The following CENPW variants were observed in gnomAD, a reference collection of about 807,000 sequenced individuals.
The protein encoded by CENPW is cancer-up-regulated gene 2 protein.
CENPW carries 3 observed loss-of-function variants against 11.1 expected under a neutral mutation model. The ratio of observed to expected loss-of-function variants is 0.27; its 90% CI spans 0.12 to 0.70. The LOEUF (loss-of-function observed/expected upper bound fraction) is 0.70, where lower values mean the gene tolerates loss of function less well. Among genes scored for constraint, CENPW ranks in the 30% least tolerant of loss-of-function variants. CENPW has a pLI of 0.77. For missense variants in CENPW, 100 were observed against 105.6 expected (o/e 0.95, Z 0.23); for synonymous variants, 38 against 42.0 (o/e 0.91, Z 0.37).
the CENPW span, among the ~76,000 whole-genome samples, chr6:126,424,132 T>A: frequency 5.9e-5 from 9 of 152,182 alleles, no homozygotes; most frequent in African/African-American, 1.9e-4. Flanking sequence ...CCTACTAACA[T>A]CTATTGTCTC....
At chr6:126,405,856 T>G in the CENPW span, among the ~76,000 whole-genome samples, 1 of 152,156 alleles carries the variant, frequency 6.6e-6, no homozygotes, top group African/African-American at 2.4e-5. Flanking sequence ...CTTGGAAGTT[T>G]ATTGATTTTG....
the CENPW span, among the ~76,000 whole-genome samples, chr6:126,465,725 G>C: frequency 2.0e-5 from 3 of 151,976 alleles, no homozygotes; most frequent in Non-Finnish European, 4.4e-5. Context: ...TAAACATAGA[G>C]AATTGATTTT....
At chr6:126,376,895 T>C in the CENPW span, among the ~76,000 whole-genome samples, 2 of 152,162 alleles carry the variant, frequency 1.3e-5, no homozygotes, top group Non-Finnish European at 2.9e-5. Flanking sequence ...GGAATGGGGC[T>C]GTGGTAGGTA....
chr6:126,368,770 G>T, the CENPW span, among the ~76,000 whole-genome samples: 1 of 151,674 alleles, frequency 6.6e-6, no homozygotes, highest in Admixed American at 6.6e-5. Context: ...TCAGCCTCCC[G>T]AGTAGCTGAG....
chr6:126,479,072 C>T, the CENPW span, among the ~76,000 whole-genome samples: 1 of 152,058 alleles, frequency 6.6e-6, no homozygotes, highest in Non-Finnish European at 1.5e-5. Flanking sequence ...TTTGAGCAAT[C>T]CTCCTTCGGT....
At chr6:126,473,670 T>C in the CENPW span, among the ~76,000 whole-genome samples, 2 of 151,314 alleles carry the variant, frequency 1.3e-5, no homozygotes, top group African/African-American at 2.4e-5. Flanking sequence ...GAGGCGGAGG[T>C]TGCAGCGAGC....
At chr6:126,473,592 T>C in the CENPW span, among the ~76,000 whole-genome samples, 2 of 151,700 alleles carry the variant, frequency 1.3e-5, no homozygotes, top group Non-Finnish European at 2.9e-5. Context: ...ATTAGCTGGG[T>C]GGCAGTGGCA....
chr6:126,462,811 A>G, the CENPW span, among the ~76,000 whole-genome samples: 1 of 151,994 alleles, frequency 6.6e-6, no homozygotes, highest in Non-Finnish European at 1.5e-5. Context: ...GCAGACTTGA[A>G]AGGACGAGTG....
At chr6:126,408,873 CTA>C in the CENPW span, among the ~76,000 whole-genome samples, 1 of 151,714 alleles carries the variant, frequency 6.6e-6, no homozygotes, top group South Asian at 2.1e-4. Context: ...TTTCCCTAGT[CTA>C]AGTAAAGACT....
the CENPW span, among the ~76,000 whole-genome samples, chr6:126,360,719 C>T: frequency 6.6e-6 from 1 of 151,742 alleles, no homozygotes; most frequent in Non-Finnish European, 1.5e-5. Context: ...TCTGCTGCTA[C>T]TACTTTCTAT....
chr6:126,376,265 A>G, the CENPW span, among the ~76,000 whole-genome samples: 5 of 152,180 alleles, frequency 3.3e-5, no homozygotes, highest in African/African-American at 4.8e-5. Flanking sequence ...CTCTGCATGC[A>G]TAGCTGAAAA....
chr6:126,449,349 G>A, the CENPW span, among the ~76,000 whole-genome samples: 1 of 150,972 alleles, frequency 6.6e-6, no homozygotes, highest in Non-Finnish European at 1.5e-5. Flanking sequence ...CAAAGACTGG[G>A]ACTTATTTAT....
chr6:126,352,327 C>G (rs971438560), downstream of CENPW, among the ~76,000 whole-genome samples: 3 of 152,002 alleles, frequency 2.0e-5, no homozygotes, highest in African/African-American at 7.2e-5. Context: ...TTGCCCTAAC[C>G]TCTGTATTTT....
At chr6:126,358,024 T>C in the CENPW span, among the ~76,000 whole-genome samples, 4 of 152,236 alleles carry the variant, frequency 2.6e-5, no homozygotes, top group Non-Finnish European at 4.4e-5. Flanking sequence ...TTGAATGTTA[T>C]TGATTTATAG....
At chr6:126,417,396 G>A in the CENPW span, among the ~76,000 whole-genome samples, 2 of 152,138 alleles carry the variant, frequency 1.3e-5, no homozygotes, top group African/African-American at 4.8e-5. Context: ...AAGACTTGGG[G>A]GACTGTTGGG....
At chr6:126,347,272 G>A (rs998752565) in intron 2 of CENPW, among the ~76,000 whole-genome samples, 11 of 152,118 alleles carry the variant, frequency 7.2e-5, no homozygotes, top group African/African-American at 2.7e-4. Flanking sequence ...CTACCTCTTT[G>A]TAGACGTTTT....
chr6:126,434,765 A>G, the CENPW span, among the ~76,000 whole-genome samples: 1 of 152,038 alleles, frequency 6.6e-6, no homozygotes, highest in Non-Finnish European at 1.5e-5. Flanking sequence ...ATAATAAAAT[A>G]AGAAATTATA....
At chr6:126,342,250 T>C (rs1273782518) in intron 1 of CENPW, among the ~76,000 whole-genome samples, 1 of 152,200 alleles carries the variant, frequency 6.6e-6, no homozygotes, top group Non-Finnish European at 1.5e-5. Context: ...GCTAGAATCA[T>C]GAAAAGACCT....
the CENPW span, among the ~76,000 whole-genome samples, chr6:126,432,740 G>A: frequency 1.3e-5 from 2 of 152,134 alleles, no homozygotes; most frequent in African/African-American, 4.8e-5. Flanking sequence ...TGGCTTGCCT[G>A]TATCTGCTAG....
Sources: allele counts gnomAD v4.1 joint callset (sites outside exome capture counted in the v4.1 genomes callset), GRCh38; gene constraint gnomAD v4.1.1; transcripts MANE v1.5; gene names NCBI Gene and HGNC (gene_info 2026-07-23, HGNC 2026-07-21).